SAMD4A: variants seen among roughly 807,000 people sequenced by gnomAD.
The protein encoded by SAMD4A is protein Smaug homolog 1.
Under a neutral mutation model 81.3 loss-of-function variants are expected in SAMD4A, and 33 were observed. The ratio of observed to expected loss-of-function variants is 0.41; its 90% CI spans 0.31 to 0.54. SAMD4A has a LOEUF of 0.54. SAMD4A is among the 20% of genes least tolerant of loss of function. SAMD4A has a pLI of 0.37. For missense variants in SAMD4A, 854 were observed against 951.1 expected (o/e 0.90, Z 1.34); for synonymous variants, 389 against 382.1 (o/e 1.02, Z -0.21).
chr14:54,775,851 A>G (rs1009193423), intron 10 of SAMD4A, among the ~76,000 whole-genome samples: 1 of 151,746 alleles, frequency 6.6e-6, no homozygotes, highest in African/African-American at 2.4e-5. Context: ...AGGATTCACT[A>G]CCCAGGGTAC....
At chr14:54,780,097 C>G (rs1009693066) in intron 11 of SAMD4A, among the ~76,000 whole-genome samples, 3 of 152,114 alleles carry the variant, frequency 2.0e-5, no homozygotes, top group South Asian at 4.1e-4. Context: ...TTCTTTACCC[C>G]CTGGAGGGCC....
At chr14:54,617,988 A>G (rs1162688351) in intron 2 of SAMD4A, among the ~76,000 whole-genome samples, 1 of 152,234 alleles carries the variant, frequency 6.6e-6, no homozygotes, top group East Asian at 1.9e-4. Flanking sequence ...GTATGATATA[A>G]TTTGATCTTT....
chr14:54,677,164 T>C (rs1163706685), intron 2 of SAMD4A, among the ~76,000 whole-genome samples: 1 of 152,188 alleles, frequency 6.6e-6, no homozygotes, highest in Non-Finnish European at 1.5e-5. Flanking sequence ...AGAGGTAGTG[T>C]TCTCTGTGTT....
intron 2 of SAMD4A, among the ~76,000 whole-genome samples, chr14:54,593,405 A>G (rs1439713227): frequency 6.6e-6 from 1 of 152,066 alleles, no homozygotes; most frequent in African/African-American, 2.4e-5. Flanking sequence ...TCCATCAACT[A>G]TTTCTTGTGT....
chr14:54,751,625 C>T, intron 6 of SAMD4A, 88 bp downstream of exon 6: 1 of 838,712 alleles, frequency 1.2e-6, no homozygotes, highest in Non-Finnish European at 2.0e-6. Flanking sequence ...CATCGACAGA[C>T]CTTCTAGAGC....
intron 3 of SAMD4A, 41 bp from the exon 4 acceptor site, chr14:54,736,983 A>G (rs776794798): frequency 6.2e-7 from 1 of 1,600,820 alleles, no homozygotes; most frequent in East Asian, 2.2e-5. Flanking sequence ...CCCAGGATAA[A>G]GGGGGGGGAA....
chr14:54,782,492 C>G (rs1337995021), intron 11 of SAMD4A, among the ~76,000 whole-genome samples: 1 of 152,124 alleles, frequency 6.6e-6, no homozygotes, highest in Non-Finnish European at 1.5e-5. Flanking sequence ...TCTAATTGCC[C>G]CGACCCTACT....
chr14:54,604,135 T>G (rs1011369454), intron 2 of SAMD4A, among the ~76,000 whole-genome samples: 15 of 152,192 alleles, frequency 9.9e-5, no homozygotes, highest in Non-Finnish European at 2.1e-4. Context: ...ATTATTTTAT[T>G]GTATCCTTAA....
At position 54,764,590 on chromosome 14, in the gene SAMD4A, A is replaced by G. The variant is rs763658788; in HGVS notation, c.1596+50A>G. 7.2e-6 allele frequency: 9 copies of G among 1,244,070 alleles called. 1 individual carries two copies. In the Middle Eastern group the frequency reaches 1.0e-3, roughly 144 times the overall value. The allele number at this position is 1,244,070 out of a possible 1,614,324, so 77.1% of individuals were successfully genotyped here. ...ACCATTTTTTTTTTATTGCTTAGAA[A>G]TGGTTCTCAGAGTTTCTGTGATGTG... On this transcript the variant is annotated intron_variant, in intron 8 of 12. Coordinates refer to ENST00000554335, the MANE Select transcript of SAMD4A (RefSeq NM_015589.6).
At chr14:54,656,396 A>C (rs1371567240) in intron 2 of SAMD4A, among the ~76,000 whole-genome samples, 1 of 152,036 alleles carries the variant, frequency 6.6e-6, no homozygotes, top group Non-Finnish European at 1.5e-5. Context: ...TGGTATGTGG[A>C]CCCATGTCAG....
chr14:54,638,909 G>A (rs2035100424), intron 2 of SAMD4A, among the ~76,000 whole-genome samples: 1 of 152,168 alleles, frequency 6.6e-6, no homozygotes, highest in Non-Finnish European at 1.5e-5. Flanking sequence ...GTTGAAGAGA[G>A]TTTACTGCCT....
At chr14:54,615,274 A>G (rs370785859) in intron 2 of SAMD4A, among the ~76,000 whole-genome samples, 8 of 152,184 alleles carry the variant, frequency 5.3e-5, no homozygotes, top group Admixed American at 5.2e-4. Context: ...GGCAGATGTC[A>G]TTACTTCCAT....
chr14:54,695,214 TAAC>T (rs2036546102), intron 2 of SAMD4A, among the ~76,000 whole-genome samples: 1 of 152,236 alleles, frequency 6.6e-6, no homozygotes, highest in African/African-American at 2.4e-5. Flanking sequence ...TGACTTAACA[TAAC>T]AACAAGTTAT....
intron 3 of SAMD4A, among the ~76,000 whole-genome samples, chr14:54,723,151 C>T (rs1411791889): frequency 6.6e-6 from 1 of 151,744 alleles, no homozygotes; most frequent in African/African-American, 2.4e-5. Flanking sequence ...TGCTGCTCCT[C>T]CAGCATTTAA....
intron 2 of SAMD4A, among the ~76,000 whole-genome samples, chr14:54,686,131 A>G (rs989398823): frequency 6.6e-6 from 1 of 152,186 alleles, no homozygotes; most frequent in Admixed American, 6.5e-5. Flanking sequence ...GAAAGAAGGG[A>G]TGCCTTTAGA....
intron 2 of SAMD4A, among the ~76,000 whole-genome samples, chr14:54,684,511 C>T (rs1238882481): frequency 6.6e-6 from 1 of 152,224 alleles, no homozygotes; most frequent in Non-Finnish European, 1.5e-5. Flanking sequence ...CCCATCCCTG[C>T]CCTGCACACC....
chr14:54,737,725 A>G (rs1227246597), intron 4 of SAMD4A, among the ~76,000 whole-genome samples: 1 of 148,668 alleles, frequency 6.7e-6, no homozygotes. Flanking sequence ...TTTTTCCTTT[A>G]TAAGTCTATG....
intron 2 of SAMD4A, among the ~76,000 whole-genome samples, chr14:54,664,789 T>C (rs967977524): frequency 4.7e-5 from 7 of 150,158 alleles, no homozygotes; most frequent in Admixed American, 3.4e-4. Flanking sequence ...AAGTTTTAAA[T>C]ATGTTTAATT....
chr14:54,733,098 T>C (rs898424721), intron 3 of SAMD4A, among the ~76,000 whole-genome samples: 11 of 152,190 alleles, frequency 7.2e-5, no homozygotes, highest in South Asian at 2.1e-4. Context: ...TTAGGTTAGA[T>C]GAGGTCAGAA....
Sources: allele counts gnomAD v4.1 joint callset (sites outside exome capture counted in the v4.1 genomes callset), GRCh38; gene constraint gnomAD v4.1.1; transcripts MANE v1.5; gene names NCBI Gene and HGNC (gene_info 2026-07-23, HGNC 2026-07-21).